RIN2: variants seen among roughly 807,000 people sequenced by gnomAD.
The protein encoded by RIN2 is RAB5 interacting protein 2.
In RIN2, 36 loss-of-function variants were observed where a neutral mutation model predicts 78.0. That is an observed-to-expected ratio of 0.46 (90% confidence interval 0.35 to 0.61). The LOEUF is 0.61. Ranked by LOEUF, RIN2 falls within the 20% of genes least tolerant of loss-of-function variation. RIN2 has a pLI of 0.00. For synonymous variants in RIN2, 466 were observed against 466.8 expected, an observed-to-expected ratio of 1.00 and a Z score of 0.02; for missense variants, 1,087 against 1,159.7, an observed-to-expected ratio of 0.94 and a Z score of 0.91.
chr20:19,943,541 AT>A (rs1354236851), intron 4 of RIN2, among the ~76,000 whole-genome samples: 1 of 152,194 alleles, frequency 6.6e-6, no homozygotes, highest in Admixed American at 6.5e-5. Flanking sequence ...GTAACCCCAA[AT>A]ATGCTAGTGA....
chr20:19,840,530 C>G (rs970492804), intron 2 of RIN2, among the ~76,000 whole-genome samples: 1 of 152,216 alleles, frequency 6.6e-6, no homozygotes, highest in Admixed American at 6.5e-5. Context: ...TATAGGAATG[C>G]CTTATCATTG....
chr20:19,764,924 T>TG (rs1568731153), intron 1 of RIN2, among the ~76,000 whole-genome samples: 2 of 115,202 alleles, frequency 1.7e-5, no homozygotes, highest in African/African-American at 7.3e-5. Context: ...CTGCGTTTTT[T>TG]TTTTTTTTTT....
intron 3 of RIN2, among the ~76,000 whole-genome samples, chr20:19,928,563 A>G (rs545049085): frequency 2.6e-5 from 4 of 152,312 alleles, no homozygotes; most frequent in African/African-American, 9.6e-5. Context: ...ACCAGACTGG[A>G]ACTCAGCAGG....
At chr20:19,934,835 C>A (rs6035478) in intron 3 of RIN2, among the ~76,000 whole-genome samples, 1 of 151,926 alleles carries the variant, frequency 6.6e-6, no homozygotes, top group East Asian at 1.9e-4. Flanking sequence ...ATACTGAAAC[C>A]TAACAAACTG....
chr20:19,949,044 C>G (rs1007502609), intron 4 of RIN2, among the ~76,000 whole-genome samples: 1 of 148,404 alleles, frequency 6.7e-6, no homozygotes, highest in African/African-American at 2.5e-5. Flanking sequence ...CTTTGGGAGG[C>G]CAAGGCGGGG....
rs1303822794 is a variant in RIN2 at position 19,889,415 on chromosome 20, G to A, written c.-36-151G>A. ...GCTGGTGGGGACAGGAAATTGGGCTGAAGGGAGATGTAAGGCCTTGGTGGG... is the reference window on the plus strand; with the variant it reads ...GCTGGTGGGGACAGGAAATTGGGCTAAAGGGAGATGTAAGGCCTTGGTGGG... On this transcript the variant is annotated intron_variant, in intron 2 of 12. Coordinates refer to ENST00000255006, the MANE Select transcript of RIN2 (RefSeq NM_018993.4). The A allele has an allele frequency of 5.3e-6, 6 of 1,142,514 alleles. No individual in the cohort carries two copies. The African/African-American group carries it at 7.9e-5, about 15-fold the overall frequency. 70.8% of individuals were successfully genotyped at this position (1,142,514 alleles called of 1,614,324 possible).
At chr20:19,897,084 C>G (rs1231369653) in intron 3 of RIN2, among the ~76,000 whole-genome samples, 8 of 152,058 alleles carry the variant, frequency 5.3e-5, no homozygotes, top group African/African-American at 1.4e-4. Flanking sequence ...CAGCATGTCT[C>G]AATTCAGACC....
At chr20:19,828,590 C>T (rs2036163753) in intron 2 of RIN2, among the ~76,000 whole-genome samples, 1 of 152,172 alleles carries the variant, frequency 6.6e-6, no homozygotes, top group Admixed American at 6.6e-5. Context: ...CTCCATTCAT[C>T]TCCATTATCT....
At chr20:19,980,600 C>T (rs1044179681) in intron 9 of RIN2, among the ~76,000 whole-genome samples, 2 of 152,266 alleles carry the variant, frequency 1.3e-5, no homozygotes, top group Non-Finnish European at 2.9e-5. Flanking sequence ...GAAACCTCAC[C>T]AGGTAAAAGA....
chr20:19,908,294 A>C (rs1247514394), intron 3 of RIN2, among the ~76,000 whole-genome samples: 10 of 152,152 alleles, frequency 6.6e-5, no homozygotes, highest in Non-Finnish European at 2.9e-5. Context: ...GATCGAGACC[A>C]TCCTGGCTAA....
intron 4 of RIN2, among the ~76,000 whole-genome samples, chr20:19,956,342 G>A (rs1189761514): frequency 1.3e-5 from 2 of 151,942 alleles, no homozygotes; most frequent in African/African-American, 4.8e-5. Flanking sequence ...ATGGCATTTA[G>A]GATGCTTAGA....
chr20:19,825,013 CA>C (rs1227361807), intron 2 of RIN2, among the ~76,000 whole-genome samples: 1 of 152,172 alleles, frequency 6.6e-6, no homozygotes, highest in African/African-American at 2.4e-5. Context: ...TGACTGGCAC[CA>C]AAGCATAACA....
chr20:20,000,493 G>A (rs1013174457), intron 12 of RIN2, 120 bp from the exon 13 acceptor site: 23 of 772,302 alleles, frequency 3.0e-5, no homozygotes, highest in South Asian at 9.7e-5. Flanking sequence ...CCTGACATCG[G>A]ACATTATGAC....
chr20:19,863,038 A>G (rs1186311088), intron 2 of RIN2, among the ~76,000 whole-genome samples: 2 of 151,940 alleles, frequency 1.3e-5, no homozygotes, highest in African/African-American at 4.8e-5. Context: ...TGTCCTCTCA[A>G]CTTATGTGTT....
At chr20:19,798,370 A>C (rs933371649) in intron 1 of RIN2, among the ~76,000 whole-genome samples, 9 of 152,080 alleles carry the variant, frequency 5.9e-5, no homozygotes, top group African/African-American at 2.2e-4. Context: ...ACATGGACCC[A>C]GGCATGAAGG....
chr20:19,887,212 C>A (rs963845590), intron 2 of RIN2, among the ~76,000 whole-genome samples: 1 of 150,546 alleles, frequency 6.6e-6, no homozygotes, highest in African/African-American at 2.5e-5. Context: ...TTTTTAGAGA[C>A]AGGGTCTCGC....
At chr20:19,791,815 T>A (rs184473524) in intron 1 of RIN2, among the ~76,000 whole-genome samples, 2 of 152,346 alleles carry the variant, frequency 1.3e-5, no homozygotes, top group East Asian at 3.9e-4. Context: ...GGGGTTGTCT[T>A]AGTGCAACTA....
chr20:19,895,176 A>G (rs2038664308), intron 3 of RIN2, among the ~76,000 whole-genome samples: 1 of 152,144 alleles, frequency 6.6e-6, no homozygotes, highest in Non-Finnish European at 1.5e-5. Flanking sequence ...TGAAGATCAA[A>G]CTGTGGGAGA....
chr20:19,917,112 A>T (rs528737467), intron 3 of RIN2, among the ~76,000 whole-genome samples: 74 of 150,276 alleles, frequency 4.9e-4, no homozygotes, highest in East Asian at 2.1e-3. Context: ...AAAAAATTTA[A>T]AAAAAAAAAA....
Sources: allele counts gnomAD v4.1 joint callset (sites outside exome capture counted in the v4.1 genomes callset), GRCh38; gene constraint gnomAD v4.1.1; transcripts MANE v1.5; gene names NCBI Gene and HGNC (gene_info 2026-07-23, HGNC 2026-07-21).